TULP2: variants seen among roughly 807,000 people sequenced by gnomAD.
The protein encoded by TULP2 is TUB like protein 2.
A neutral mutation model predicts 60.3 loss-of-function variants in TULP2; 64 were observed. The ratio of observed to expected loss-of-function variants is 1.06; its 90% CI spans 0.87 to 1.31. TULP2 has a LOEUF of 1.31. TULP2 is among the 50% of genes most tolerant of loss of function. The pLI, the probability that TULP2 is intolerant of heterozygous loss-of-function variation, is 0.00. For synonymous variants in TULP2, 267 were observed against 265.4 expected, an observed-to-expected ratio of 1.01 and a Z score of -0.06; for missense variants, 652 against 667.0, an observed-to-expected ratio of 0.98 and a Z score of 0.25.
chr19:48,882,054 G>C lies in TULP2; in HGVS notation c.1425C>G (p.Phe475Leu). 6.2e-7 allele frequency: 1 copy of C among 1,614,216 alleles called. No homozygotes were observed. The highest frequency in any genetic ancestry group is 1.1e-5 in the South Asian group (1 of 91,088). ...GRVTRASVKNFQIVDPKHQEH... is the reference protein window; with the variant it reads ...GRVTRASVKNLQIVDPKHQEH... Reference sequence around the variant, plus strand: ...CACGGTGTTTGGGATCCACGATTTGGAAGTTCTTCACCGAAGCCCGAGTGA... The same window carrying C: ...CACGGTGTTTGGGATCCACGATTTGCAAGTTCTTCACCGAAGCCCGAGTGA... The change falls in exon 12 of 13, where the codon TTC (phenylalanine) becomes TTG (leucine). Residue 475 changes from phenylalanine (F) to leucine (L), a missense_variant. Coordinates refer to ENST00000221399, the MANE Select transcript of TULP2 (RefSeq NM_003323.3).
At chr19:48,896,613 T>G (rs1435840668) in intron 3 of TULP2, 57 bp from the exon 4 acceptor site, 3 of 1,523,392 alleles carry the variant, frequency 2.0e-6, no homozygotes, top group South Asian at 2.5e-5. Context: ...AAGACAGAAG[T>G]GAGGTGGGGC....
intron 7 of TULP2, among the ~76,000 whole-genome samples, 184 bp from the exon 8 acceptor site, chr19:48,888,445 T>C (rs1483256428): frequency 6.6e-6 from 1 of 152,186 alleles, no homozygotes; most frequent in Admixed American, 6.6e-5. Flanking sequence ...TCTATTCGCT[T>C]TCCTCTGCAG....
chr19:48,896,391 C>G, intron 4 of TULP2, 39 bp downstream of exon 4: 2 of 1,564,574 alleles, frequency 1.3e-6, no homozygotes, highest in Non-Finnish European at 1.7e-6. Flanking sequence ...CCACAGGCCC[C>G]TCCCCTCCAG....
At chr19:48,885,777 AG>A (rs1160183709) in intron 8 of TULP2, among the ~76,000 whole-genome samples, 2 of 151,454 alleles carry the variant, frequency 1.3e-5, no homozygotes, top group Non-Finnish European at 2.9e-5. Flanking sequence ...CCCAGCTAGT[AG>A]GGAGGCTAAG....
Position 48,895,004 on chromosome 19 carries a change from G to C in TULP2, c.508C>G (p.Arg170Gly), listed in dbSNP as rs2037265201. 6.2e-7 allele frequency: 1 copy of C among 1,612,044 alleles called. No individual in the cohort carries two copies. The highest frequency in any genetic ancestry group is 1.1e-5 in the South Asian group (1 of 90,798). ...IRRKGWQAHQ[R>G]PGTRAEGESD... ...CCAATGTCCCCTAAATTACCAGGTC[G>C]TTGGTGGGCTTGCCAACCCTTGCGT... The change falls in exon 6 of 13, where the codon CGA becomes GGA. Residue 170 changes from arginine (R) to glycine (G), a missense_variant. Transcript: ENST00000221399.
At chr19:48,888,857 G>A (rs1450843552) in intron 7 of TULP2, among the ~76,000 whole-genome samples, 1 of 151,950 alleles carries the variant, frequency 6.6e-6, no homozygotes, top group Non-Finnish European at 1.5e-5. Context: ...CCTGACCTCA[G>A]GTGATCTGCC....
At chr19:48,883,484 G>A (rs1289806324) in intron 11 of TULP2, among the ~76,000 whole-genome samples, 1 of 152,108 alleles carries the variant, frequency 6.6e-6, no homozygotes, top group South Asian at 2.1e-4. Context: ...TGAGATCCAA[G>A]AACCCTCTCT....
At chr19:48,881,317 C>G (rs867817947) in intron 12 of TULP2, among the ~76,000 whole-genome samples, 191 bp from the exon 13 acceptor site, 6 of 144,962 alleles carry the variant, frequency 4.1e-5, no homozygotes, top group Middle Eastern at 7.3e-3. Context: ...TCAAGCAGTT[C>G]TTCTGCCTCA....
rs58640342 is a variant in TULP2 at position 48,887,311 on chromosome 19, C to CTTTTTTTTTTTTTTTTTTTTTTTTTTT, written c.948+612_948+638dup. ...CAAGTGTGAGCCACCGCGCCCAGCC[C>CTTTTTTTTTTTTTTTTTTTTTTTTTTT]TTTTTTTTTTTTTTTTTTTTTTTTT... On this transcript the variant is annotated intron_variant, in intron 8 of 12. Transcript: ENST00000221399. Among the ~76,000 whole-genome samples the CTTTTTTTTTTTTTTTTTTTTTTTTTTT allele has an allele frequency of 2.8e-4, 11 of 39,376 alleles. 2 individuals are homozygous for CTTTTTTTTTTTTTTTTTTTTTTTTTTT. The highest frequency in any genetic ancestry group is 1.0e-3 in the Admixed American group (2 of 2,000). 25.8% of individuals were successfully genotyped at this position (39,376 alleles called of 152,430 possible). A position where few individuals can be genotyped will look rare whatever the true frequency, so the allele number is the denominator to read the frequency against.
chr19:48,896,675 T>C, intron 3 of TULP2, 119 bp from the exon 4 acceptor site: 2 of 1,263,052 alleles, frequency 1.6e-6, no homozygotes, highest in East Asian at 2.7e-5. Flanking sequence ...CTTCCTCCAC[T>C]GGGGCCCACA....
Position 48,889,614 on chromosome 19 carries a change from C to T in TULP2, c.532G>A (p.Glu178Lys). The T allele has an allele frequency of 6.3e-7, 1 of 1,582,730 alleles. No homozygotes were observed. The highest frequency in any genetic ancestry group is 8.7e-7 in the Non-Finnish European group (1 of 1,155,378). Residue 178 changes from glutamate (E) to lysine (K), a missense_variant, in exon 7 of 13, where the codon GAG becomes AAG. Coordinates refer to ENST00000221399, the MANE Select transcript of TULP2 (RefSeq NM_003323.3). ...TCTCCCATATCCTGGGAGTCACTCTCACCCTCTGCACGGGTCCCTAATGTG... is the reference window on the plus strand; with the variant it reads ...TCTCCCATATCCTGGGAGTCACTCTTACCCTCTGCACGGGTCCCTAATGTG... ...HQRPGTRAEG[E>K]SDSQDMGDAH...
intron 6 of TULP2, 115 bp downstream of exon 6, chr19:48,894,883 G>A (rs2037264205): frequency 4.5e-6 from 6 of 1,340,208 alleles, no homozygotes; most frequent in Non-Finnish European, 6.0e-6. Flanking sequence ...ACTTTAAATG[G>A]GTGACTTGTA....
chr19:48,881,211 CTTTTTTTTTTTT>C, intron 12 of TULP2, 85 bp from the exon 13 acceptor site: 1 of 178,888 alleles, frequency 5.6e-6, no homozygotes, highest in Non-Finnish European at 9.2e-6. Flanking sequence ...TTTTTTTTTT[CTTTTTTTTTTTT>C]TTTTGAGACA....
chr19:48,887,940 CTTA>C lies in TULP2; in HGVS notation c.948+7_948+9del. 1 of 1,604,320 alleles carries C rather than the reference CTTA, an allele frequency of 6.2e-7. No individual in the cohort carries two copies. Among genetic ancestry groups the C allele is most frequent in the East Asian group, 2.2e-5 (1 of 44,596 alleles). ...CTTACTCCCAAAGCTGTTGGGCTGG[CTTA>C]CTGCACCTGCAGGCTGTCAGAGGTC... On this transcript the variant is annotated splice_region_variant and intron_variant, in intron 8 of 12. Transcript: ENST00000221399.
Position 48,883,991 on chromosome 19 carries a change from G to A in TULP2, c.1117C>T (p.Arg373Trp), listed in dbSNP as rs17847558. 6.3e-5 allele frequency: 102 copies of A among 1,614,016 alleles called. No homozygotes were observed. The East Asian group carries it at 1.9e-3, about 31-fold the overall frequency. The change falls in exon 10 of 13, where the codon CGG (arginine) becomes TGG (tryptophan). Residue 373 changes from arginine (R) to tryptophan (W), a missense_variant. Transcript: ENST00000221399. ...TIFDNGVNPDREHLTRNTARI... is the reference protein window; with the variant it reads ...TIFDNGVNPDWEHLTRNTARI... The stretch of plus-strand genomic sequence containing the variant: ...GCAGTATTCCTGGTTAAATGCTCCC[G>A]GTCAGGATTCACCCCATTGTCAAAG...
In TULP2 at chr19:48,889,817, T is replaced by C. The variant is rs138491634; in HGVS notation, c.515-186A>G. ...TGTGCTGTGTCCACTCAGGGTTAAA[T>C]GGATTAAGGGCGGTGCAAGATGTGC... On this transcript the variant is annotated intron_variant, in intron 6 of 12. Transcript: ENST00000221399. Among the ~76,000 whole-genome samples, 1,039 of 152,306 alleles carry C rather than the reference T, an allele frequency of 6.8e-3. 11 individuals are homozygous for C. The highest frequency in any genetic ancestry group is 0.024 in the African/African-American group (998 of 41,564).
chr19:48,895,646 G>A lies in TULP2; in HGVS notation c.212-143C>T, dbSNP rs1157012277. The A allele has an allele frequency of 1.1e-5, 11 of 990,628 alleles. No homozygotes were observed. The Admixed American group carries it at 1.5e-4, about 14-fold the overall frequency. 61.4% of individuals were successfully genotyped at this position (990,628 alleles called of 1,614,324 possible). ...TGTAATCCCAGCACTTTGGGAGGCCGAGGCAGGCGGATCACCTGAGGTCGG... is the reference window on the plus strand; with the variant it reads ...TGTAATCCCAGCACTTTGGGAGGCCAAGGCAGGCGGATCACCTGAGGTCGG... On this transcript the variant is annotated intron_variant, in intron 4 of 12. Coordinates refer to ENST00000221399, the MANE Select transcript of TULP2 (RefSeq NM_003323.3).
chr19:48,890,205 A>T, intron 6 of TULP2, among the ~76,000 whole-genome samples: 1 of 152,250 alleles, frequency 6.6e-6, no homozygotes, highest in East Asian at 1.9e-4. Flanking sequence ...TGAGATAGGG[A>T]AAAACCGCCT....
At chr19:48,889,347 C>A (rs1166733731) in intron 7 of TULP2, among the ~76,000 whole-genome samples, 163 bp downstream of exon 7, 1 of 146,714 alleles carries the variant, frequency 6.8e-6, no homozygotes, top group African/African-American at 2.7e-5. Context: ...CACACACATG[C>A]ACGCACGCAC....
Sources: gnomAD v4.1 joint callset for allele counts (sites outside exome capture counted in the v4.1 genomes callset) on GRCh38, gnomAD v4.1.1 for gene constraint, MANE v1.5 for transcripts, NCBI Gene and HGNC (gene_info 2026-07-23, HGNC 2026-07-21) for gene names.